The following ATP6V0A1 variants were observed in gnomAD, a reference collection of about 807,000 sequenced individuals.
The protein encoded by ATP6V0A1 is V-type proton ATPase 116 kDa subunit a 1.
In ATP6V0A1, 43 loss-of-function variants were observed where a neutral mutation model predicts 105.4. The observed-to-expected ratio is 0.41, with a 90% CI of 0.32 to 0.53. The LOEUF (loss-of-function observed/expected upper bound fraction) is 0.53, where lower values mean the gene tolerates loss of function less well. Ranked by LOEUF, ATP6V0A1 falls within the 20% of genes least tolerant of loss-of-function variation. The pLI, the probability that ATP6V0A1 is intolerant of heterozygous loss-of-function variation, is 0.30. For synonymous variants in ATP6V0A1, 362 were observed against 372.8 expected (o/e 0.97, Z 0.33); for missense variants, 676 against 1,051.1 (o/e 0.64, Z 4.93).
chr17:42,466,911 G>A (rs929232458), intron 3 of ATP6V0A1, among the ~76,000 whole-genome samples: 15 of 152,190 alleles, frequency 9.9e-5, no homozygotes, highest in African/African-American at 3.1e-4. Context: ...ACTTTGGGAG[G>A]CTGAGGCGGG....
chr17:42,488,972 G>T (rs1331022445), intron 10 of ATP6V0A1, among the ~76,000 whole-genome samples: 1 of 138,662 alleles, frequency 7.2e-6, no homozygotes, highest in East Asian at 2.3e-4. Flanking sequence ...CTGAGATCAT[G>T]CCACTGCACT....
At chr17:42,507,808 C>T in intron 18 of ATP6V0A1, 181 bp downstream of exon 18, 1 of 605,054 alleles carries the variant, frequency 1.7e-6, no homozygotes, top group Non-Finnish European at 3.0e-6. Context: ...CCCTAAGCTC[C>T]AGCTGTTGCC....
Position 42,487,374 on chromosome 17 carries a change from C to A in ATP6V0A1, c.1023+7C>A, listed in dbSNP as rs1310530464. ...TGCACTCAGAAGGGGCACGGTGAGT[C>A]CCCAAAGCTAACAATGCAGCTCGTG... On this transcript the variant is annotated splice_region_variant and intron_variant, in intron 10 of 21. Transcript: ENST00000343619. 2 of 1,612,652 alleles carry A rather than the reference C, an allele frequency of 1.2e-6. No individual in the cohort carries two copies. Among genetic ancestry groups the A allele is most frequent in the South Asian group, 1.1e-5 (1 of 90,948 alleles).
chr17:42,478,345 G>T (rs903585234), intron 6 of ATP6V0A1, 118 bp from the exon 7 acceptor site: 15 of 707,892 alleles, frequency 2.1e-5, no homozygotes, highest in Middle Eastern at 6.9e-4. Flanking sequence ...ATGTACCCTA[G>T]AACTTAAAGT....
At position 42,500,570 on chromosome 17, in the gene ATP6V0A1, T is replaced by C. The variant is rs922183213; in HGVS notation, c.1680-137T>C. The C allele has an allele frequency of 2.1e-5, 14 of 676,590 alleles. No individual in the cohort carries two copies. The East Asian group carries it at 3.6e-4, about 18-fold the overall frequency. 41.9% of individuals were successfully genotyped at this position (676,590 alleles called of 1,614,324 possible). On this transcript the variant is annotated intron_variant, in intron 15 of 21. Transcript: ENST00000343619. ...TGCATTGTCTCTGTTGTCTCCAGCT[T>C]CTGGTTGCTGCTGCTTAAAGTGATA... is the stretch of plus-strand genomic sequence containing the variant.
At position 42,468,121 on chromosome 17, in the gene ATP6V0A1, G is replaced by A. The variant is rs768038944; in HGVS notation, c.294+14G>A. 35 of 1,524,742 alleles carry A rather than the reference G, an allele frequency of 2.3e-5. No homozygotes were observed. The highest frequency in any genetic ancestry group is 3.1e-5 in the Non-Finnish European group (35 of 1,127,034). The allele number at this position is 1,524,742 out of a possible 1,614,324, so 94.5% of individuals were successfully genotyped here. ...ATTGACTTAGAGGTAAACACTTCTGGGAAAACCAGAAAAGTTTCTTTCTAC... is the reference window on the plus strand; with the variant it reads ...ATTGACTTAGAGGTAAACACTTCTGAGAAAACCAGAAAAGTTTCTTTCTAC... On this transcript the variant is annotated intron_variant, in intron 4 of 21. Transcript: ENST00000343619.
At chr17:42,513,503 G>C (rs1395818548) in intron 19 of ATP6V0A1, 1 of 195,602 alleles carries the variant, frequency 5.1e-6, no homozygotes, top group Non-Finnish European at 1.1e-5. Context: ...TCTCAACAGA[G>C]TGCCGTCAAC....
At position 42,476,016 on chromosome 17, in the gene ATP6V0A1, G is replaced by GAGT. The variant is rs754197289; in HGVS notation, c.424-1640_424-1638dup. Among the ~76,000 whole-genome samples the GAGT allele has an allele frequency of 6.4e-4, 98 of 152,282 alleles. No homozygotes were observed. In the Middle Eastern group the frequency reaches 0.01, roughly 16 times the overall value. On this transcript the variant is annotated intron_variant, in intron 5 of 21. Transcript: ENST00000343619. The stretch of plus-strand genomic sequence containing the variant: ...GCAGGCAAGTAGGATGGAGTCTTGT[G>GAGT]AGTAGTCAGGCTCACTGGTTTTTGC...
intron 19 of ATP6V0A1, 58 bp from the exon 20 acceptor site, chr17:42,513,803 A>ATGCC (rs2092470381): frequency 6.6e-7 from 1 of 1,512,876 alleles, no homozygotes; most frequent in East Asian, 2.3e-5. Context: ...ACAACTCAGA[A>ATGCC]TGCCTGCACG....
At chr17:42,460,623 TGACTG>T (rs1201605967) in intron 1 of ATP6V0A1, among the ~76,000 whole-genome samples, 2 of 152,214 alleles carry the variant, frequency 1.3e-5, no homozygotes, top group African/African-American at 4.8e-5. Flanking sequence ...ATCCTGATGT[TGACTG>T]GAATGGAAGT....
rs552064484 is a variant in ATP6V0A1, at chr17:42,521,311, A to G, written c.*191A>G. ...CCCTAGCTTTGTGTGTAGTGTAGTGATTTTCTGGCTGTCACTCATACTCAC... is the reference window on the plus strand; with the variant it reads ...CCCTAGCTTTGTGTGTAGTGTAGTGGTTTTCTGGCTGTCACTCATACTCAC... On this transcript the variant is annotated 3_prime_UTR_variant, in exon 22 of 22. Transcript: ENST00000343619. The surrounding 1 kb of genome is among the most constrained non-coding windows in gnomAD (Gnocchi z 4.8). The G allele has an allele frequency of 3.1e-5, 13 of 426,050 alleles. No homozygotes were observed. In the South Asian group the frequency reaches 6.6e-4, roughly 22 times the overall value. 26.4% of individuals were successfully genotyped at this position (426,050 alleles called of 1,614,324 possible).
rs1388498310 is a variant in ATP6V0A1, at chr17:42,521,099, G to A, written c.2493G>A (p.Arg831=). The change falls in exon 22 of 22, where the codon CGG becomes CGA. Residue 831 remains arginine, a synonymous_variant. Transcript: ENST00000343619. This position sits in a 1 kb window ranked among gnomAD's most constrained non-coding sequence, Gnocchi z 4.8. ...KFLPFSFEHI[R]EGKFEE ...TACCCTTCTCCTTCGAGCATATTCGGGAAGGGAAGTTTGAAGAGTGAGTCC... is the reference window on the plus strand; with the variant it reads ...TACCCTTCTCCTTCGAGCATATTCGAGAAGGGAAGTTTGAAGAGTGAGTCC... 6.2e-7 allele frequency: 1 copy of A among 1,609,600 alleles called. No homozygotes were observed. The highest frequency in any genetic ancestry group is 1.1e-5 in the South Asian group (1 of 90,486).
intron 16 of ATP6V0A1, 32 bp from the exon 17 acceptor site, chr17:42,501,165 T>C: frequency 6.5e-7 from 1 of 1,548,796 alleles, no homozygotes; most frequent in Non-Finnish European, 8.9e-7. Flanking sequence ...GACTTTTATA[T>C]GATGTACCTT....
chr17:42,489,104 C>T (rs1294150495), intron 10 of ATP6V0A1, among the ~76,000 whole-genome samples: 1 of 139,122 alleles, frequency 7.2e-6, no homozygotes, highest in African/African-American at 2.7e-5. Flanking sequence ...TGGAGTTTTG[C>T]TCTTGTTGCC....
intron 21 of ATP6V0A1, among the ~76,000 whole-genome samples, chr17:42,516,232 T>G (rs1371790938): frequency 6.6e-6 from 1 of 152,206 alleles, no homozygotes; most frequent in East Asian, 1.9e-4. Context: ...CCTTTATCTT[T>G]GATTATTCTC....
chr17:42,494,445 G>A lies in ATP6V0A1; in HGVS notation c.1286G>A (p.Arg429Gln), dbSNP rs146036659. Residue 429 changes from arginine (R) to glutamine (Q), a missense_variant, in exon 12 of 22, where the codon CGG (arginine) becomes CAG (glutamine). Physicochemically the swap from Arg to Gln is conservative, Grantham distance 43 (BLOSUM62 1). Transcript: ENST00000343619. ...GTGTGGATGGTACTGAGGGAGAGCC[G>A]GATCCTTTCCCAGAAGAATGAGAAT... ...FAVWMVLRES[R>Q]ILSQKNENEM... is the part of the protein sequence containing the mutation. 2.3e-4 allele frequency: 377 copies of A among 1,612,996 alleles called. No homozygotes were observed. Among genetic ancestry groups the A allele is most frequent in the Non-Finnish European group, 2.9e-4 (344 of 1,179,624 alleles).
intron 17 of ATP6V0A1, among the ~76,000 whole-genome samples, chr17:42,504,747 A>G (rs2091908296): frequency 6.6e-6 from 1 of 152,238 alleles, no homozygotes; most frequent in South Asian, 2.1e-4. Flanking sequence ...ACATTAAAAA[A>G]ATAAAGCAAT....
At chr17:42,518,861 G>A (rs1457951641) in intron 21 of ATP6V0A1, 1 of 152,288 alleles carries the variant, frequency 6.6e-6, no homozygotes, top group Non-Finnish European at 1.5e-5. Flanking sequence ...GATGGCAGAT[G>A]GGGCCCCCCT....
intron 3 of ATP6V0A1, 147 bp downstream of exon 3, chr17:42,466,654 A>C: frequency 1.5e-6 from 1 of 654,362 alleles, no homozygotes; most frequent in Admixed American, 2.8e-5. Context: ...TATTTCTCGT[A>C]TACGAGTAGA....
Sources: allele counts gnomAD v4.1 joint callset (sites outside exome capture counted in the v4.1 genomes callset), GRCh38; gene constraint gnomAD v4.1.1; non-coding constraint Gnocchi (gnomAD v3.1); transcripts MANE v1.5; gene names NCBI Gene and HGNC (gene_info 2026-07-23, HGNC 2026-07-21).